Variants in TOX3 observed in about 807,000 individuals in gnomAD.
TOX3 encodes TOX high mobility group box family member 3.
In TOX3, 22 loss-of-function variants were observed where a neutral mutation model predicts 64.3. That is an observed-to-expected ratio of 0.34 (90% CI 0.24 to 0.49). TOX3 has a LOEUF of 0.49. Ranked by LOEUF, TOX3 falls within the 20% of genes least tolerant of loss-of-function variation. The probability of loss-of-function intolerance (pLI) is 0.99; values close to 1 mark genes in which losing one functional copy is unlikely to be tolerated. For missense variants in TOX3, 661 were observed against 714.4 expected, an observed-to-expected ratio of 0.93 and a Z score of 0.85; for synonymous variants, 291 against 273.6, an observed-to-expected ratio of 1.06 and a Z score of -0.63.
At chr16:52,473,619 C>T (rs561298439) in intron 1 of TOX3, among the ~76,000 whole-genome samples, 1 of 152,164 alleles carries the variant, frequency 6.6e-6, no homozygotes, top group South Asian at 2.1e-4. Context: ...AAGGTTCAAC[C>T]ATTTTCAGCA....
Position 52,439,561 on chromosome 16 carries a change from C to T in TOX3, c.1395G>A (p.Gln465=). 3 of 1,534,308 alleles carry T rather than the reference C, an allele frequency of 2.0e-6. No individual in the cohort carries two copies. The highest frequency in any genetic ancestry group is 2.4e-5 in the East Asian group (1 of 42,010). Residue 465 remains glutamine, a synonymous_variant, in exon 7 of 7, where the codon CAG becomes CAA. Transcript: ENST00000219746. ...GGATTTGCTGATGCATTTGGTGCTGCTGGAGTTGCTGCTGCTGCATCTGTT... is the reference window on the plus strand; with the variant it reads ...GGATTTGCTGATGCATTTGGTGCTGTTGGAGTTGCTGCTGCTGCATCTGTT... ...QMQQMQQQQL[Q]QHQMHQQIQQ...
chr16:52,525,814 A>G (rs45512493), intron 1 of TOX3, among the ~76,000 whole-genome samples: 17,754 of 152,278 alleles, frequency 0.12, 1,481 homozygotes, highest in Non-Finnish European at 0.17. Context: ...TAATGAACCC[A>G]AAAGGAAAAC....
At chr16:52,522,572 C>T (rs777377219) in intron 1 of TOX3, among the ~76,000 whole-genome samples, 10 of 152,144 alleles carry the variant, frequency 6.6e-5, no homozygotes, top group Non-Finnish European at 1.0e-4. Context: ...GGTTTGTGAG[C>T]CCTGTCCTTC....
At chr16:52,440,865 A>T (rs1394524816) in intron 6 of TOX3, among the ~76,000 whole-genome samples, 1 of 138,350 alleles carries the variant, frequency 7.2e-6, no homozygotes, top group Non-Finnish European at 1.5e-5. Context: ...GGTTTGTGCC[A>T]TTCTCCTGCC....
chr16:52,511,212 G>A (rs1209044745), intron 1 of TOX3, among the ~76,000 whole-genome samples: 1 of 152,102 alleles, frequency 6.6e-6, no homozygotes, highest in Admixed American at 6.6e-5. Context: ...CAGTAAGGCT[G>A]GCTGGGCACG....
At chr16:52,503,266 G>C (rs148554235) in intron 1 of TOX3, among the ~76,000 whole-genome samples, 2 of 152,308 alleles carry the variant, frequency 1.3e-5, no homozygotes, top group East Asian at 3.9e-4. Flanking sequence ...TTCCAGGACT[G>C]CTGTGTGACT....
At chr16:52,508,867 T>C (rs1193221034) in intron 1 of TOX3, among the ~76,000 whole-genome samples, 3 of 152,150 alleles carry the variant, frequency 2.0e-5, no homozygotes, top group Non-Finnish European at 2.9e-5. Flanking sequence ...TTATGTATTA[T>C]AGATATAAAA....
At chr16:52,538,846 T>C (rs1963017474) in intron 1 of TOX3, among the ~76,000 whole-genome samples, 1 of 152,130 alleles carries the variant, frequency 6.6e-6, no homozygotes, top group Non-Finnish European at 1.5e-5. Context: ...AGATTAAGGA[T>C]ACAAACCTAG....
chr16:52,452,451 T>C (rs1960381132), intron 3 of TOX3, among the ~76,000 whole-genome samples: 1 of 151,784 alleles, frequency 6.6e-6, no homozygotes, highest in African/African-American at 2.4e-5. Context: ...TATTCCATAG[T>C]GTATATGTGC....
At chr16:52,453,289 T>C (rs1363012231) in intron 3 of TOX3, among the ~76,000 whole-genome samples, 2 of 152,008 alleles carry the variant, frequency 1.3e-5, no homozygotes, top group African/African-American at 2.4e-5. Context: ...GTTCAAGTGA[T>C]TCTCCTTCCT....
At chr16:52,481,671 T>C (rs1389262038) in intron 1 of TOX3, among the ~76,000 whole-genome samples, 4 of 152,244 alleles carry the variant, frequency 2.6e-5, no homozygotes, top group Non-Finnish European at 5.9e-5. Flanking sequence ...ATGAAACCAC[T>C]GGTACCAGTC....
intron 4 of TOX3, among the ~76,000 whole-genome samples, chr16:52,448,422 C>T (rs1960231561): frequency 6.6e-6 from 1 of 152,124 alleles, no homozygotes; most frequent in Non-Finnish European, 1.5e-5. Flanking sequence ...AGGAATCCCT[C>T]TCAACTGTAA....
intron 1 of TOX3, among the ~76,000 whole-genome samples, chr16:52,522,221 C>T (rs1192780428): frequency 6.6e-6 from 1 of 152,142 alleles, no homozygotes; most frequent in Admixed American, 6.5e-5. Flanking sequence ...TCATTTGATG[C>T]TCAGAATGAG....
chr16:52,454,630 T>C (rs759212516), intron 3 of TOX3, among the ~76,000 whole-genome samples: 4 of 152,194 alleles, frequency 2.6e-5, no homozygotes, highest in Non-Finnish European at 5.9e-5. Context: ...TCATTTTCCA[T>C]AAAAGTAACC....
chr16:52,486,138 G>GC (rs1961525276), intron 1 of TOX3, among the ~76,000 whole-genome samples: 1 of 152,118 alleles, frequency 6.6e-6, no homozygotes, highest in South Asian at 2.1e-4. Context: ...AATGAATGAG[G>GC]CCCCCCGTAG....
chr16:52,547,170 TC>T (rs1963217154), upstream of TOX3, among the ~76,000 whole-genome samples: 1 of 116,956 alleles, frequency 8.6e-6, no homozygotes, highest in Admixed American at 8.2e-5. Flanking sequence ...CCCCTCCTTC[TC>T]CCCCTCCTGC....
At chr16:52,497,505 A>G (rs1961878738) in intron 1 of TOX3, among the ~76,000 whole-genome samples, 2 of 152,320 alleles carry the variant, frequency 1.3e-5, no homozygotes, top group Middle Eastern at 3.4e-3. Flanking sequence ...CTACTGCCAG[A>G]AAGGCTGCAG....
chr16:52,497,741 C>G (rs1961886415), intron 1 of TOX3, among the ~76,000 whole-genome samples: 1 of 152,016 alleles, frequency 6.6e-6, no homozygotes, highest in African/African-American at 2.4e-5. Context: ...TGATCATCAA[C>G]TAATATCTCA....
At chr16:52,541,501 G>C (rs1224905081) in intron 1 of TOX3, among the ~76,000 whole-genome samples, 10 of 152,112 alleles carry the variant, frequency 6.6e-5, no homozygotes, top group Admixed American at 6.5e-4. Flanking sequence ...CAAGGATATT[G>C]GTTCAGTGTT....
Sources: gnomAD v4.1 joint callset for allele counts (sites outside exome capture counted in the v4.1 genomes callset) on GRCh38, gnomAD v4.1.1 for gene constraint, MANE v1.5 for transcripts, NCBI Gene and HGNC (gene_info 2026-07-23, HGNC 2026-07-21) for gene names.